The following MINDY3 variants were observed in gnomAD, a reference collection of about 807,000 sequenced individuals.
MINDY3 encodes ubiquitin carboxyl-terminal hydrolase MINDY-3.
MINDY3 carries 38 observed loss-of-function variants against 69.2 expected under a neutral mutation model. The ratio of observed to expected loss-of-function variants is 0.55; its 90% CI spans 0.42 to 0.72. MINDY3 has a LOEUF of 0.72. Ranked by LOEUF, MINDY3 falls within the 30% of genes least tolerant of loss-of-function variation. The pLI, the probability that MINDY3 is intolerant of heterozygous loss-of-function variation, is 0.00. For missense variants in MINDY3, 522 were observed against 519.0 expected, an observed-to-expected ratio of 1.01 and a Z score of -0.06; for synonymous variants, 192 against 180.1, an observed-to-expected ratio of 1.07 and a Z score of -0.53.
chr10:15,800,972 A>C (rs1423193366), intron 10 of MINDY3, among the ~76,000 whole-genome samples: 1 of 152,222 alleles, frequency 6.6e-6, no homozygotes. Flanking sequence ...AAAGGAGCTA[A>C]AGGTGGAGAA....
intron 2 of MINDY3, among the ~76,000 whole-genome samples, chr10:15,843,573 C>G (rs1833628498): frequency 6.6e-6 from 1 of 152,106 alleles, no homozygotes; most frequent in African/African-American, 2.4e-5. Context: ...CACAAACTTA[C>G]TGCTCTATTC....
chr10:15,788,201 TAGA>T (rs1266144242), intron 12 of MINDY3, among the ~76,000 whole-genome samples: 1 of 152,168 alleles, frequency 6.6e-6, no homozygotes, highest in African/African-American at 2.4e-5. Flanking sequence ...GAAATAAAGT[TAGA>T]AGAAGTATAG....
intron 12 of MINDY3, among the ~76,000 whole-genome samples, chr10:15,787,768 T>G (rs937195601): frequency 6.6e-6 from 1 of 152,166 alleles, no homozygotes; most frequent in Non-Finnish European, 1.5e-5. Flanking sequence ...TAGTATACTG[T>G]ACAAAGGATA....
chr10:15,813,936 T>C (rs1839180268), intron 10 of MINDY3, among the ~76,000 whole-genome samples: 1 of 150,776 alleles, frequency 6.6e-6, no homozygotes, highest in African/African-American at 2.4e-5. Context: ...ACAATGTTGT[T>C]TCAGGCCACT....
chr10:15,831,549 A>T (rs1366693501), intron 8 of MINDY3, among the ~76,000 whole-genome samples: 1 of 152,222 alleles, frequency 6.6e-6, no homozygotes, highest in Non-Finnish European at 1.5e-5. Flanking sequence ...CTTGAAAAGC[A>T]CTATTTCAAG....
chr10:15,779,462 T>G (rs889149810), intron 14 of MINDY3, among the ~76,000 whole-genome samples: 1 of 152,160 alleles, frequency 6.6e-6, no homozygotes, highest in African/African-American at 2.4e-5. Flanking sequence ...AAAGAAATGC[T>G]TAATTATCAT....
intron 11 of MINDY3, among the ~76,000 whole-genome samples, chr10:15,792,603 C>G (rs1001255174): frequency 9.2e-5 from 14 of 151,954 alleles, no homozygotes; most frequent in Admixed American, 7.9e-4. Flanking sequence ...ATATTAAGCT[C>G]TACCTACAAT....
chr10:15,809,000 C>A (rs1433766204), intron 10 of MINDY3, among the ~76,000 whole-genome samples: 1 of 152,156 alleles, frequency 6.6e-6, no homozygotes, highest in Non-Finnish European at 1.5e-5. Context: ...CCATTTTATA[C>A]ATTCTAAATT....
At chr10:15,801,675 G>T (rs990392674) in intron 10 of MINDY3, among the ~76,000 whole-genome samples, 1 of 152,016 alleles carries the variant, frequency 6.6e-6, no homozygotes, top group African/African-American at 2.4e-5. Context: ...CTATTAAAGA[G>T]AACCGCAACA....
intron 1 of MINDY3, among the ~76,000 whole-genome samples, chr10:15,849,696 T>G (rs1208277359): frequency 1.3e-5 from 2 of 152,252 alleles, no homozygotes; most frequent in East Asian, 3.9e-4. Context: ...GTGAGAGCAA[T>G]GGAGAGGGTG....
intron 6 of MINDY3, among the ~76,000 whole-genome samples, chr10:15,835,342 C>T (rs1414947907): frequency 6.6e-6 from 1 of 151,930 alleles, no homozygotes; most frequent in Admixed American, 6.6e-5. Flanking sequence ...ATTCACTTAA[C>T]TTTAGCCATT....
Position 15,830,532 on chromosome 10 carries a change from T to A in MINDY3, c.730+3098A>T, listed in dbSNP as rs560348849. ...CTGCCTCTTACACTACATGTTAGTC[T>A]TGAGTGCTGTAATACATATGTGAGA... On this transcript the variant is annotated intron_variant, in intron 8 of 14. Coordinates refer to ENST00000277632, the MANE Select transcript of MINDY3 (RefSeq NM_024948.4). Among the ~76,000 whole-genome samples, 12 of 152,346 alleles carry A rather than the reference T, an allele frequency of 7.9e-5. No individual in the cohort carries two copies. The East Asian group carries it at 2.3e-3, about 29-fold the overall frequency.
At chr10:15,802,514 C>CA (rs1838336849) in intron 10 of MINDY3, among the ~76,000 whole-genome samples, 1 of 152,064 alleles carries the variant, frequency 6.6e-6, no homozygotes, top group Admixed American at 6.6e-5. Flanking sequence ...AAACAGCCCC[C>CA]ATGACTCAAT....
intron 1 of MINDY3, among the ~76,000 whole-genome samples, chr10:15,849,236 CTTAA>C (rs1834093345): frequency 1.3e-5 from 2 of 152,020 alleles, no homozygotes; most frequent in Non-Finnish European, 2.9e-5. Context: ...AAGAAAATAC[CTTAA>C]TTAAAGCAAA....
intron 10 of MINDY3, among the ~76,000 whole-genome samples, chr10:15,802,718 A>G (rs1408358746): frequency 6.6e-6 from 1 of 152,166 alleles, no homozygotes; most frequent in Admixed American, 6.5e-5. Context: ...TTTCCTCCCA[A>G]CATACAACCC....
intron 10 of MINDY3, among the ~76,000 whole-genome samples, chr10:15,802,153 G>A (rs1243843464): frequency 6.6e-6 from 1 of 151,854 alleles, no homozygotes; most frequent in Non-Finnish European, 1.5e-5. Context: ...AATTTTTGAG[G>A]GAGTCAAAAG....
At chr10:15,855,645 A>G (rs986894880) in intron 1 of MINDY3, among the ~76,000 whole-genome samples, 2 of 152,116 alleles carry the variant, frequency 1.3e-5, no homozygotes, top group East Asian at 1.9e-4. Context: ...TCTTGTTTTC[A>G]TATTACTTAC....
chr10:15,832,331 G>T (rs142412788), intron 8 of MINDY3, among the ~76,000 whole-genome samples: 270 of 152,136 alleles, frequency 1.8e-3, no homozygotes, highest in African/African-American at 6.0e-3. Flanking sequence ...ATACCTGGGG[G>T]TCCAGAAACA....
chr10:15,820,359 T>C (rs1268674851), intron 9 of MINDY3, among the ~76,000 whole-genome samples: 1 of 152,056 alleles, frequency 6.6e-6, no homozygotes, highest in African/African-American at 2.4e-5. Flanking sequence ...ACCACCAGGG[T>C]CTTAAGGGAT....
Sources: allele counts gnomAD v4.1 joint callset (sites outside exome capture counted in the v4.1 genomes callset), GRCh38; gene constraint gnomAD v4.1.1; transcripts MANE v1.5; gene names NCBI Gene and HGNC (gene_info 2026-07-23, HGNC 2026-07-21).